The following ACYP2 variants were observed in gnomAD, a reference collection of about 807,000 sequenced individuals.
The protein encoded by ACYP2 is acylphosphatase-2.
ACYP2 carries 12 observed loss-of-function variants against 11.2 expected under a neutral mutation model. The ratio of observed to expected loss-of-function variants is 1.08; its 90% CI spans 0.69 to 1.74. ACYP2 has a LOEUF of 1.74. ACYP2 is among the 40% of genes most tolerant of loss of function. ACYP2 has a pLI of 0.00. For missense variants in ACYP2, 134 were observed against 101.9 expected (o/e 1.31, Z -1.35); for synonymous variants, 43 against 32.2 (o/e 1.33, Z -1.13).
At chr2:54,222,537 G>A (rs1685842364) in intron 6 of ACYP2, among the ~76,000 whole-genome samples, 1 of 135,960 alleles carries the variant, frequency 7.4e-6, no homozygotes, top group Non-Finnish European at 1.5e-5. Flanking sequence ...GTGACAGAGC[G>A]AGACTCTGTC....
At chr2:54,165,446 G>A (rs939584263) in intron 6 of ACYP2, among the ~76,000 whole-genome samples, 1 of 150,910 alleles carries the variant, frequency 6.6e-6, no homozygotes, top group African/African-American at 2.5e-5. Flanking sequence ...AGGTCATCTG[G>A]TCTGTCTGTC....
intron 6 of ACYP2, among the ~76,000 whole-genome samples, chr2:54,229,940 CT>C (rs1189364102): frequency 6.6e-6 from 1 of 152,122 alleles, no homozygotes; most frequent in African/African-American, 2.4e-5. Flanking sequence ...GATTTTTTAT[CT>C]TATCCAAATT....
At chr2:54,184,809 A>G (rs1683898366) in intron 6 of ACYP2, among the ~76,000 whole-genome samples, 2 of 152,118 alleles carry the variant, frequency 1.3e-5, no homozygotes, top group Non-Finnish European at 2.9e-5. Context: ...TTATAACAAT[A>G]TCAATTCATT....
At chr2:54,224,344 T>A (rs1459847116) in intron 6 of ACYP2, among the ~76,000 whole-genome samples, 8 of 152,218 alleles carry the variant, frequency 5.3e-5, no homozygotes, top group South Asian at 2.1e-4. Flanking sequence ...AAGAATTTTA[T>A]AGAGCTATGA....
At chr2:54,129,413 G>C (rs942702575) in intron 4 of ACYP2, among the ~76,000 whole-genome samples, 6 of 152,074 alleles carry the variant, frequency 3.9e-5, no homozygotes, top group African/African-American at 1.4e-4. Flanking sequence ...GCTTACAGGT[G>C]TAAGTCACCA....
chr2:54,011,736 T>C (rs1432910834), intron 2 of ACYP2, among the ~76,000 whole-genome samples: 1 of 67,568 alleles, frequency 1.5e-5, no homozygotes, highest in South Asian at 5.6e-4. Flanking sequence ...TTTTTTGGTG[T>C]ATTTTTTTTT....
At chr2:54,058,865 G>A (rs993867371) in intron 4 of ACYP2, among the ~76,000 whole-genome samples, 1 of 152,130 alleles carries the variant, frequency 6.6e-6, no homozygotes, top group Admixed American at 6.6e-5. Context: ...TCTGGGAGGA[G>A]GGATGTTTAT....
intron 6 of ACYP2, among the ~76,000 whole-genome samples, chr2:54,161,589 C>T (rs1425874325): frequency 2.6e-5 from 4 of 152,272 alleles, no homozygotes; most frequent in Admixed American, 2.6e-4. Context: ...AGTAGGTATA[C>T]ATGTTCTATC....
intron 6 of ACYP2, among the ~76,000 whole-genome samples, chr2:54,261,017 T>C (rs1687752304): frequency 6.6e-6 from 1 of 152,166 alleles, no homozygotes; most frequent in Non-Finnish European, 1.5e-5. Flanking sequence ...TACCTTTCGA[T>C]AAAATCAGTT....
At chr2:54,070,943 A>T (rs1677010514) in intron 4 of ACYP2, among the ~76,000 whole-genome samples, 3 of 151,808 alleles carry the variant, frequency 2.0e-5, no homozygotes. Context: ...TCAGAGACAG[A>T]GTTTCATCAT....
chr2:54,277,817 C>A (rs566473831), intron 6 of ACYP2, among the ~76,000 whole-genome samples: 8 of 151,832 alleles, frequency 5.3e-5, no homozygotes, highest in Non-Finnish European at 1.2e-4. Flanking sequence ...TTTACCTTAC[C>A]TTTATGTAAT....
intron 6 of ACYP2, among the ~76,000 whole-genome samples, chr2:54,242,704 T>G (rs1169456487): frequency 2.6e-5 from 4 of 152,230 alleles, no homozygotes. Context: ...TACACTCCAT[T>G]GCACTCCATG....
intron 6 of ACYP2, among the ~76,000 whole-genome samples, chr2:54,245,633 T>C (rs1478937047): frequency 6.6e-6 from 1 of 152,156 alleles, no homozygotes; most frequent in Non-Finnish European, 1.5e-5. Context: ...AGCTTTTTTT[T>C]CCATGTATTT....
At chr2:54,292,437 T>C (rs1266356676) in intron 6 of ACYP2, among the ~76,000 whole-genome samples, 2 of 152,196 alleles carry the variant, frequency 1.3e-5, no homozygotes, top group Non-Finnish European at 2.9e-5. Flanking sequence ...TTTTATTATA[T>C]TGATAACATC....
intron 6 of ACYP2, among the ~76,000 whole-genome samples, chr2:54,229,754 A>G (rs1686154058): frequency 6.6e-6 from 1 of 152,184 alleles, no homozygotes; most frequent in Non-Finnish European, 1.5e-5. Context: ...AGTTGTAAAT[A>G]CTGTTAAGAG....
At chr2:54,164,188 G>A (rs947275852) in intron 6 of ACYP2, among the ~76,000 whole-genome samples, 2 of 152,178 alleles carry the variant, frequency 1.3e-5, no homozygotes, top group Admixed American at 6.5e-5. Context: ...AATGCTCCAT[G>A]GAAGAGAGAT....
chr2:54,130,344 G>C (rs1572824542), intron 4 of ACYP2, among the ~76,000 whole-genome samples: 1 of 152,138 alleles, frequency 6.6e-6, no homozygotes. Flanking sequence ...GCCAAAGGAG[G>C]CATATCTGGC....
chr2:54,221,009 A>G (rs1685776839), intron 6 of ACYP2, among the ~76,000 whole-genome samples: 1 of 152,186 alleles, frequency 6.6e-6, no homozygotes, highest in Non-Finnish European at 1.5e-5. Context: ...GGTCAGTGGA[A>G]TGAATGTTAG....
chr2:53,998,950 G>A (rs942515276), intron 2 of ACYP2, among the ~76,000 whole-genome samples: 2 of 152,128 alleles, frequency 1.3e-5, no homozygotes, highest in African/African-American at 4.8e-5. Context: ...AGAGTCATGT[G>A]GAGGGATCCC....
Sources: allele counts gnomAD v4.1 joint callset (sites outside exome capture counted in the v4.1 genomes callset), GRCh38; gene constraint gnomAD v4.1.1; transcripts MANE v1.5; gene names NCBI Gene and HGNC (gene_info 2026-07-23, HGNC 2026-07-21).